PSMD14: variants seen among roughly 807,000 people sequenced by gnomAD.
PSMD14 encodes ubiquitin C-terminal hydrolase PSMD14.
PSMD14 carries 7 observed loss-of-function variants against 41.2 expected under a neutral mutation model. The ratio of observed to expected loss-of-function variants is 0.17; its 90% confidence interval spans 0.10 to 0.32. PSMD14 has a LOEUF of 0.32. Among genes scored for constraint, PSMD14 ranks in the 10% least tolerant of loss-of-function variants. The pLI is 1.00. For synonymous variants in PSMD14, 114 were observed against 122.3 expected (o/e 0.93, Z 0.45); for missense variants, 139 against 375.6 (o/e 0.37, Z 5.21).
intron 3 of PSMD14, among the ~76,000 whole-genome samples, chr2:161,360,877 C>T (rs1382090834): frequency 6.6e-6 from 1 of 152,210 alleles, no homozygotes; most frequent in Non-Finnish European, 1.5e-5. Flanking sequence ...TAATTAGTCT[C>T]TATTATTCTT....
intron 3 of PSMD14, among the ~76,000 whole-genome samples, chr2:161,330,648 G>T (rs1235614951): frequency 6.6e-6 from 1 of 152,120 alleles, no homozygotes; most frequent in African/African-American, 2.4e-5. Context: ...GTGGGATGTT[G>T]TCTGGGTTGA....
intron 1 of PSMD14, among the ~76,000 whole-genome samples, chr2:161,313,342 A>C (rs1373261706): frequency 6.8e-6 from 1 of 147,100 alleles, no homozygotes; most frequent in Non-Finnish European, 1.5e-5. Context: ...TTTTATTTTA[A>C]TTAATTAATT....
At chr2:161,336,005 A>C (rs1340828632) in intron 3 of PSMD14, among the ~76,000 whole-genome samples, 1 of 152,212 alleles carries the variant, frequency 6.6e-6, no homozygotes. Flanking sequence ...CCCTACTACT[A>C]TTACTTGTTT....
chr2:161,308,785 A>C (rs1017249209), intron 1 of PSMD14, 181 bp downstream of exon 1: 1 of 152,446 alleles, frequency 6.6e-6, no homozygotes, highest in Non-Finnish European at 1.5e-5. Context: ...TGGCAGGGTC[A>C]GGTCTGGATG....
At chr2:161,388,952 A>G (rs762072475) in intron 8 of PSMD14, among the ~76,000 whole-genome samples, 1 of 152,176 alleles carries the variant, frequency 6.6e-6, no homozygotes, top group Non-Finnish European at 1.5e-5. Context: ...CACTGGGGGC[A>G]CACAGCAGGT....
At chr2:161,383,870 G>C (rs756516416) in intron 7 of PSMD14, 3 of 151,520 alleles carry the variant, frequency 2.0e-5, no homozygotes, top group African/African-American at 7.3e-5. Context: ...TTTTTAGTAT[G>C]AGTGTGAGGA....
At chr2:161,365,112 A>C (rs142302580) in intron 3 of PSMD14, among the ~76,000 whole-genome samples, 2 of 152,258 alleles carry the variant, frequency 1.3e-5, no homozygotes, top group African/African-American at 4.8e-5. Flanking sequence ...TCTAAAAAAA[A>C]CCAAAAATAA....
chr2:161,332,638 A>G lies in PSMD14; in HGVS notation c.48+13765A>G, dbSNP rs561211345. Among the ~76,000 whole-genome samples, 52 of 152,324 alleles carry G rather than the reference A, an allele frequency of 3.4e-4. 1 individual carries two copies. The South Asian group carries it at 0.01, about 30-fold the overall frequency. On this transcript the variant is annotated intron_variant, in intron 3 of 11. Coordinates refer to ENST00000409682, the MANE Select transcript of PSMD14 (RefSeq NM_005805.6). ...CTCTCACTTTAATGATGAGGTTTCA[A>G]GTATTACACTGCTTAATGCTGTGGA...
rs1288953480 is a variant in PSMD14 at position 161,357,075 on chromosome 2, C to CTTTT, written c.49-10403_49-10402insTTTT. ...TTTTATGCTGTTATAATGGCAAATGCCTTTTTTTTTTTTAGCACTTAGTCA... is the reference window on the plus strand; with the variant it reads ...TTTTATGCTGTTATAATGGCAAATGCTTTTCTTTTTTTTTTTTAGCACTTAGTCA... On this transcript the variant is annotated intron_variant, in intron 3 of 11. Transcript: ENST00000409682. 8.7e-4 allele frequency among the ~76,000 whole-genome samples: 17 copies of CTTTT among 19,446 alleles called. 1 individual carries two copies. The highest frequency in any genetic ancestry group is 1.2e-3 in the Non-Finnish European group (14 of 11,412). The allele number at this position is 19,446 out of a possible 152,430, so 12.8% of individuals were successfully genotyped here.
At chr2:161,406,719 C>T (rs896418073) in intron 10 of PSMD14, among the ~76,000 whole-genome samples, 23 of 152,100 alleles carry the variant, frequency 1.5e-4, no homozygotes, top group Admixed American at 1.2e-3. Context: ...TACAGCTGCT[C>T]CTCATTTCCC....
At chr2:161,336,316 A>G (rs1167875519) in intron 3 of PSMD14, among the ~76,000 whole-genome samples, 1 of 152,214 alleles carries the variant, frequency 6.6e-6, no homozygotes, top group Admixed American at 6.5e-5. Flanking sequence ...GAGTCACCAT[A>G]TTAATAAAAC....
At chr2:161,371,131 C>T (rs1223879251) in intron 6 of PSMD14, 41 bp from the exon 7 acceptor site, 3 of 1,587,682 alleles carry the variant, frequency 1.9e-6, no homozygotes, top group Non-Finnish European at 2.6e-6. Flanking sequence ...AAATGTATTA[C>T]TTGTTCTGTT....
intron 1 of PSMD14, among the ~76,000 whole-genome samples, chr2:161,310,123 C>T (rs747609023): frequency 4.2e-4 from 64 of 152,194 alleles, no homozygotes; most frequent in Non-Finnish European, 7.1e-4. Context: ...TGCACTCCAG[C>T]TTGGGCAACA....
intron 10 of PSMD14, chr2:161,408,636 G>C (rs375265749): frequency 5.8e-5 from 29 of 496,504 alleles, no homozygotes; most frequent in South Asian, 4.0e-4. Context: ...TTTCTTGTCT[G>C]TTTTCAAAAT....
intron 3 of PSMD14, among the ~76,000 whole-genome samples, chr2:161,350,556 T>C (rs779979626): frequency 2.0e-5 from 3 of 152,228 alleles, no homozygotes; most frequent in Non-Finnish European, 4.4e-5. Context: ...TAAAATGTTA[T>C]TATAGTTGTG....
At chr2:161,410,208 T>C (rs186958431) in intron 11 of PSMD14, among the ~76,000 whole-genome samples, 125 of 152,194 alleles carry the variant, frequency 8.2e-4, no homozygotes, top group Non-Finnish European at 1.3e-3. Flanking sequence ...CCAGTGTTTC[T>C]CAGTGTTTTT....
intron 3 of PSMD14, among the ~76,000 whole-genome samples, chr2:161,332,940 C>T (rs1484271139): frequency 1.3e-5 from 2 of 152,120 alleles, no homozygotes; most frequent in Non-Finnish European, 2.9e-5. Context: ...TTTGCACTTT[C>T]CCATTAATGT....
At chr2:161,328,285 G>T (rs867055208) in intron 3 of PSMD14, among the ~76,000 whole-genome samples, 2 of 152,048 alleles carry the variant, frequency 1.3e-5, no homozygotes, top group South Asian at 2.1e-4. Flanking sequence ...GTGTTATGAT[G>T]AAATTAATGC....
chr2:161,397,826 T>G (rs1172802743), intron 10 of PSMD14, among the ~76,000 whole-genome samples: 1 of 152,170 alleles, frequency 6.6e-6, no homozygotes, highest in African/African-American at 2.4e-5. Context: ...TGCTAGATTG[T>G]AGGGAAAATA....
Sources: gnomAD v4.1 joint callset for allele counts (sites outside exome capture counted in the v4.1 genomes callset) on GRCh38, gnomAD v4.1.1 for gene constraint, MANE v1.5 for transcripts, NCBI Gene and HGNC (gene_info 2026-07-23, HGNC 2026-07-21) for gene names.